PREP: variants seen among roughly 807,000 people sequenced by gnomAD.
PREP encodes the protein dJ355L5.1 (prolyl endopeptidase).
PREP carries 29 observed loss-of-function variants against 87.6 expected under a neutral mutation model. The observed-to-expected ratio is 0.33, with a 90% confidence interval of 0.25 to 0.45. The LOEUF (loss-of-function observed/expected upper bound fraction) is 0.45. Among genes scored for constraint, PREP ranks in the 20% least tolerant of loss-of-function variants. The pLI is 1.00. For synonymous variants in PREP, 337 were observed against 328.6 expected, an observed-to-expected ratio of 1.03 and a Z score of -0.28; for missense variants, 695 against 886.5, an observed-to-expected ratio of 0.78 and a Z score of 2.74.
At chr6:105,327,194 G>C (rs62419684) in intron 9 of PREP, among the ~76,000 whole-genome samples, 1 of 152,124 alleles carries the variant, frequency 6.6e-6, no homozygotes, top group Admixed American at 6.5e-5. Context: ...GTAAATTTGA[G>C]GAAATTAACT....
chr6:105,388,703 C>G (rs1163292217), intron 2 of PREP, among the ~76,000 whole-genome samples: 1 of 152,178 alleles, frequency 6.6e-6, no homozygotes, highest in Non-Finnish European at 1.5e-5. Flanking sequence ...CCTTAGAAGT[C>G]TTAGAGACTG....
At chr6:105,399,242 T>A (rs1583111795) in intron 1 of PREP, among the ~76,000 whole-genome samples, 1 of 152,232 alleles carries the variant, frequency 6.6e-6, no homozygotes, top group African/African-American at 2.4e-5. Flanking sequence ...CTATCTCAGA[T>A]GAATTTTTTA....
At chr6:105,352,105 C>A (rs1771972177) in intron 7 of PREP, among the ~76,000 whole-genome samples, 1 of 152,122 alleles carries the variant, frequency 6.6e-6, no homozygotes, top group African/African-American at 2.4e-5. Context: ...TACAGAAATG[C>A]ACTTAGTATT....
intron 2 of PREP, among the ~76,000 whole-genome samples, chr6:105,381,664 G>T (rs1266548361): frequency 6.6e-6 from 1 of 152,128 alleles, no homozygotes; most frequent in Non-Finnish European, 1.5e-5. Flanking sequence ...AGATGAATCT[G>T]AACACATTTT....
intron 9 of PREP, among the ~76,000 whole-genome samples, chr6:105,324,909 T>C (rs913779758): frequency 1.3e-5 from 2 of 152,188 alleles, no homozygotes; most frequent in African/African-American, 2.4e-5. Context: ...AAGGTTACCA[T>C]AACAGGGTAT....
intron 10 of PREP, among the ~76,000 whole-genome samples, chr6:105,294,828 T>C (rs897645989): frequency 1.1e-4 from 16 of 152,190 alleles, no homozygotes; most frequent in African/African-American, 3.9e-4. Flanking sequence ...TCTGCTTTTA[T>C]TTTTTTAAAA....
At chr6:105,339,007 T>C (rs1477808869) in intron 7 of PREP, among the ~76,000 whole-genome samples, 4 of 152,180 alleles carry the variant, frequency 2.6e-5, no homozygotes, top group Non-Finnish European at 5.9e-5. Flanking sequence ...GACTTAAACA[T>C]CCCTGTCTGA....
chr6:105,321,652 C>A (rs1251467491), intron 10 of PREP, among the ~76,000 whole-genome samples: 2 of 152,078 alleles, frequency 1.3e-5, no homozygotes, highest in African/African-American at 2.4e-5. Flanking sequence ...AGAGGAAACA[C>A]CCCAATCATA....
chr6:105,338,939 T>G (rs1030831311), intron 7 of PREP, among the ~76,000 whole-genome samples: 1 of 152,192 alleles, frequency 6.6e-6, no homozygotes, highest in Non-Finnish European at 1.5e-5. Flanking sequence ...CCTGCTTCTG[T>G]AGACTCCACC....
chr6:105,352,889 G>A lies in PREP; in HGVS notation c.823+83C>T, dbSNP rs1771995674. The A allele has an allele frequency of 1.2e-5, 15 of 1,242,412 alleles. No individual in the cohort carries two copies. The South Asian group carries it at 1.4e-4, about 12-fold the overall frequency. 77.0% of individuals were successfully genotyped at this position (1,242,412 alleles called of 1,614,324 possible). A position where few individuals can be genotyped will look rare whatever the true frequency, so the allele number is the denominator to read the frequency against. ...ATGTGGTAGAATGGAAGAGGGTCTTGGGAAATCAATTAATAGACCACAATA... is the reference window on the plus strand; with the variant it reads ...ATGTGGTAGAATGGAAGAGGGTCTTAGGAAATCAATTAATAGACCACAATA... On this transcript the variant is annotated intron_variant, in intron 7 of 14. Coordinates refer to ENST00000652536, the MANE Select transcript of PREP (RefSeq NM_002726.5).
chr6:105,353,379 T>C lies in PREP; in HGVS notation c.718-302A>G, dbSNP rs150044755. 4.3e-4 allele frequency among the ~76,000 whole-genome samples: 66 copies of C among 152,344 alleles called. 1 individual carries two copies. The East Asian group carries it at 0.01, about 24-fold the overall frequency. On this transcript the variant is annotated intron_variant, in intron 6 of 14. Transcript: ENST00000652536. ...TTAATTTCTAGTCTATTCTTTAAAC[T>C]GAAAATATGTGAAATCCATCATTTT...
chr6:105,366,070 C>T (rs1772374157), intron 6 of PREP, among the ~76,000 whole-genome samples: 1 of 152,070 alleles, frequency 6.6e-6, no homozygotes, highest in South Asian at 2.1e-4. Flanking sequence ...GCCTGGCCAA[C>T]ATGGTGAAAC....
rs1769925475 is a variant in PREP, at chr6:105,276,105, C to T, written c.*2039G>A. 6.6e-6 allele frequency among the ~76,000 whole-genome samples: 1 copy of T among 152,084 alleles called. No homozygotes were observed. The highest frequency in any genetic ancestry group is 2.1e-4 in the South Asian group (1 of 4,826). On this transcript the variant is annotated 3_prime_UTR_variant, in exon 15 of 15. Transcript: ENST00000652536. ...ATCCCTTAGAGTTCTGGGTAGGAGC[C>T]CAATCTCAAGTCTTATTTCTAATGT...
intron 8 of PREP, among the ~76,000 whole-genome samples, chr6:105,332,875 C>G (rs1029812365): frequency 6.6e-6 from 1 of 152,132 alleles, no homozygotes; most frequent in African/African-American, 2.4e-5. Context: ...AGTCTATTCC[C>G]TTTTCTAATA....
intron 2 of PREP, 25 bp from the exon 3 acceptor site, chr6:105,377,544 A>G (rs1362490860): frequency 6.2e-7 from 1 of 1,603,966 alleles, no homozygotes; most frequent in Non-Finnish European, 8.5e-7. Flanking sequence ...AAATGGACAA[A>G]GCAAGTTAAA....
At chr6:105,340,456 C>G (rs1052755661) in intron 7 of PREP, among the ~76,000 whole-genome samples, 1 of 152,142 alleles carries the variant, frequency 6.6e-6, no homozygotes, top group African/African-American at 2.4e-5. Context: ...TTGTAAAGAT[C>G]ATTGATATTA....
intron 7 of PREP, among the ~76,000 whole-genome samples, chr6:105,343,192 G>C (rs1771706305): frequency 6.6e-6 from 1 of 152,268 alleles, no homozygotes; most frequent in Admixed American, 6.5e-5. Context: ...TAGACCAATG[G>C]AACAGAACAG....
chr6:105,355,373 T>G (rs1258938983), intron 6 of PREP, among the ~76,000 whole-genome samples: 1 of 152,176 alleles, frequency 6.6e-6, no homozygotes, highest in African/African-American at 2.4e-5. Context: ...CAGCCAAGGC[T>G]GTAGTTTTAA....
chr6:105,402,418 T>TCACACACACACACA (rs36086068), intron 1 of PREP, among the ~76,000 whole-genome samples: 56 of 147,220 alleles, frequency 3.8e-4, no homozygotes, highest in African/African-American at 1.3e-3. Flanking sequence ...AAATGTGACA[T>TCACACACACACACA]CACACACACA....
Sources: allele counts gnomAD v4.1 joint callset (sites outside exome capture counted in the v4.1 genomes callset), GRCh38; gene constraint gnomAD v4.1.1; transcripts MANE v1.5; gene names NCBI Gene and HGNC (gene_info 2026-07-23, HGNC 2026-07-21).